ADGRV1: variants seen among roughly 807,000 people sequenced by gnomAD.
ADGRV1 encodes the protein adhesion G protein-coupled receptor V1, also known as G-protein coupled receptor 98.
ADGRV1 carries 359 observed loss-of-function variants against 596.2 expected under a neutral mutation model. The observed-to-expected ratio is 0.60, with a 90% CI of 0.55 to 0.66. The LOEUF is 0.66. Ranked by LOEUF, ADGRV1 falls within the 30% of genes least tolerant of loss-of-function variation. ADGRV1 has a pLI of 0.00. For synonymous variants in ADGRV1, 2,681 were observed against 2,679.2 expected, an observed-to-expected ratio of 1.00 and a Z score of -0.02; for missense variants, 7,274 against 7,575.6, an observed-to-expected ratio of 0.96 and a Z score of 1.48.
chr5:90,630,153 A>T (rs1317675165), intron 9 of ADGRV1: 2 of 151,954 alleles, frequency 1.3e-5, no homozygotes, highest in African/African-American at 2.4e-5. Context: ...GCCTGTCACC[A>T]CACCTGGCTA....
intron 76 of ADGRV1, among the ~76,000 whole-genome samples, chr5:90,825,179 C>T (rs1195163913): frequency 5.9e-5 from 9 of 152,280 alleles, no homozygotes; most frequent in Admixed American, 2.0e-4. Context: ...TCAAGCGATC[C>T]GCCCACCTTG....
chr5:90,985,217 A>G (rs1045060758), intron 84 of ADGRV1, 127 bp from the exon 85 acceptor site: 12 of 545,044 alleles, frequency 2.2e-5, no homozygotes, highest in Non-Finnish European at 3.7e-5. Flanking sequence ...TAACTTAAAA[A>G]AATCAAAACT....
chr5:90,938,244 T>A (rs919698901), intron 83 of ADGRV1, among the ~76,000 whole-genome samples: 1 of 152,196 alleles, frequency 6.6e-6, no homozygotes, highest in Non-Finnish European at 1.5e-5. Context: ...CAATAGTTTT[T>A]AATGTCAATT....
intron 83 of ADGRV1, among the ~76,000 whole-genome samples, chr5:90,864,342 A>G (rs576333961): frequency 6.6e-5 from 10 of 152,336 alleles, no homozygotes; most frequent in East Asian, 3.9e-4. Context: ...GTGAAAAACA[A>G]TGACTTATTA....
chr5:91,009,775 C>T (rs1190175215), intron 85 of ADGRV1, among the ~76,000 whole-genome samples: 1 of 152,016 alleles, frequency 6.6e-6, no homozygotes, highest in Non-Finnish European at 1.5e-5. Flanking sequence ...TAATTCACCA[C>T]ACTAAATTGA....
chr5:90,740,384 G>A (rs1297326726), intron 50 of ADGRV1, among the ~76,000 whole-genome samples: 1 of 152,184 alleles, frequency 6.6e-6, no homozygotes, highest in Non-Finnish European at 1.5e-5. Flanking sequence ...TCTAGAGCTT[G>A]GTTGGGTTGC....
rs757218098 is a variant in ADGRV1 at position 90,854,125 on chromosome 5, T to C, written c.17518T>C (p.Tyr5840His). ...CCTGACTAATGACAATGAGGTTCTC[T>C]ACAGGATTTATGCTGCTGAGCCTAG... ...QLLTNDNEVLYRIYAAEPRII... is the reference protein window; with the variant it reads ...QLLTNDNEVLHRIYAAEPRII... The change falls in exon 81 of 90, where the codon TAC becomes CAC. Residue 5840 changes from tyrosine (Y) to histidine (H), a missense_variant. Tyr to His is a moderately conservative substitution (Grantham distance 83). This residue lies in a region of ADGRV1 where 1,874 missense variants were observed against 1,970.2 expected (regional missense o/e 0.95). Transcript: ENST00000405460. 16 of 1,576,274 alleles carry C rather than the reference T, an allele frequency of 1.0e-5. No homozygotes were observed. In the Admixed American group the frequency reaches 2.7e-4, roughly 27 times the overall value.
chr5:90,851,604 C>T (rs886350674), intron 79 of ADGRV1, among the ~76,000 whole-genome samples: 1 of 152,114 alleles, frequency 6.6e-6, no homozygotes, highest in Non-Finnish European at 1.5e-5. Context: ...GAGGGTCCAA[C>T]TGAGGTTGGT....
At chr5:91,133,994 A>C (rs1451252910) in intron 87 of ADGRV1, among the ~76,000 whole-genome samples, 1 of 152,226 alleles carries the variant, frequency 6.6e-6, no homozygotes, top group Non-Finnish European at 1.5e-5. Flanking sequence ...TAATTTAATA[A>C]AATGAAAATG....
chr5:90,796,363 G>A (rs1760712011), intron 70 of ADGRV1, among the ~76,000 whole-genome samples: 1 of 151,776 alleles, frequency 6.6e-6, no homozygotes, highest in African/African-American at 2.4e-5. Context: ...CAGTCAAGCA[G>A]AAGAAATGAT....
intron 1 of ADGRV1, among the ~76,000 whole-genome samples, chr5:90,614,027 A>G (rs1763032963): frequency 6.6e-6 from 1 of 152,084 alleles, no homozygotes; most frequent in African/African-American, 2.4e-5. Flanking sequence ...TTTTAGAGGT[A>G]TATCTACATT....
At position 90,810,304 on chromosome 5, in the gene ADGRV1, T is replaced by C. The variant is rs1762320982; in HGVS notation, c.15044T>C (p.Ile5015Thr). The change falls in exon 74 of 90, where the codon ATA (isoleucine) becomes ACA (threonine). Residue 5015 changes from isoleucine (I) to threonine (T), a missense_variant. Ile to Thr is a moderately conservative substitution (Grantham distance 89). Around this residue, in one of 5 missense-constraint regions of ADGRV1, gnomAD observed 1,874 missense variants for 1,970.2 expected, o/e 0.95. Coordinates refer to ENST00000405460, the MANE Select transcript of ADGRV1 (RefSeq NM_032119.4). ...FQFSTSSRNI[I>T]VSEDTQMIRL... is the part of the protein sequence containing the mutation. ...TTTTCCACTAGCTCAAGAAATATCATAGTGTCAGAAGATACACAGATGATC... is the reference window on the plus strand; with the variant it reads ...TTTTCCACTAGCTCAAGAAATATCACAGTGTCAGAAGATACACAGATGATC... The C allele has an allele frequency of 6.2e-7, 1 of 1,608,272 alleles. No individual in the cohort carries two copies. Among genetic ancestry groups the C allele is most frequent in the South Asian group, 1.1e-5 (1 of 89,784 alleles).
chr5:91,027,144 A>AACACATAC (rs1554199814), intron 85 of ADGRV1, among the ~76,000 whole-genome samples: 1 of 129,128 alleles, frequency 7.7e-6, no homozygotes, highest in Non-Finnish European at 1.6e-5. Flanking sequence ...ACAGTCTCAA[A>AACACATAC]ACACACACAC....
At chr5:90,984,011 T>C (rs12187656) in intron 84 of ADGRV1, among the ~76,000 whole-genome samples, 33,550 of 152,076 alleles carry the variant, frequency 0.22, 3,968 homozygotes, top group Non-Finnish European at 0.27. Flanking sequence ...GTCTGACCTC[T>C]TAATAAGAGA....
At chr5:90,940,695 A>T (rs1234834832) in intron 83 of ADGRV1, among the ~76,000 whole-genome samples, 1 of 152,198 alleles carries the variant, frequency 6.6e-6, no homozygotes, top group Non-Finnish European at 1.5e-5. Context: ...AGCCCACAGA[A>T]GGAGAGAAAG....
At chr5:90,579,869 T>G (rs1702107206) in intron 1 of ADGRV1, among the ~76,000 whole-genome samples, 1 of 152,232 alleles carries the variant, frequency 6.6e-6, no homozygotes, top group Admixed American at 6.5e-5. Context: ...AATGGCCTTC[T>G]TTGTCTCTTT....
At chr5:90,876,076 G>A (rs1769191113) in intron 83 of ADGRV1, among the ~76,000 whole-genome samples, 1 of 152,110 alleles carries the variant, frequency 6.6e-6, no homozygotes, top group South Asian at 2.1e-4. Context: ...GTTTATAATT[G>A]TGATTAATCT....
intron 83 of ADGRV1, among the ~76,000 whole-genome samples, chr5:90,908,696 T>G (rs1772552805): frequency 6.6e-6 from 1 of 152,158 alleles, no homozygotes; most frequent in South Asian, 2.1e-4. Flanking sequence ...TTCTGCGCAT[T>G]TGCCTGAGTG....
Position 90,627,304 on chromosome 5 carries a change from A to G in ADGRV1, c.766A>G (p.Ile256Val). The G allele has an allele frequency of 6.2e-7, 1 of 1,613,020 alleles. No homozygotes were observed. Among genetic ancestry groups the G allele is most frequent in the Non-Finnish European group, 8.5e-7 (1 of 1,179,114 alleles). Residue 256 changes from isoleucine to valine, a missense_variant, in exon 7 of 90, where the codon ATT (isoleucine) becomes GTT (valine). By Grantham distance (29) the Ile-to-Val change is conservative. This residue lies in a region of ADGRV1 where 1,715 missense variants were observed against 1,708.8 expected (regional missense o/e 1.00). Coordinates refer to ENST00000405460, the MANE Select transcript of ADGRV1 (RefSeq NM_032119.4). ...NTSRNSIEIIIKKNDSPVRFL... is the reference protein window; with the variant it reads ...NTSRNSIEIIVKKNDSPVRFL... ...CTCTAGGAATTCCATTGAGATCATCATTAAGAAAAATGATAGTCCCGTGAG... is the reference window on the plus strand; with the variant it reads ...CTCTAGGAATTCCATTGAGATCATCGTTAAGAAAAATGATAGTCCCGTGAG...
Sources: allele counts gnomAD v4.1 joint callset (sites outside exome capture counted in the v4.1 genomes callset), GRCh38; gene constraint gnomAD v4.1.1; regional missense constraint gnomAD v4.1.1; transcripts MANE v1.5; gene names NCBI Gene and HGNC (gene_info 2026-07-23, HGNC 2026-07-21).